DNM1: variants seen among roughly 807,000 people sequenced by gnomAD.
DNM1 encodes dynamin-1.
Under a neutral mutation model 104.6 loss-of-function variants are expected in DNM1, and 29 were observed. That is an observed-to-expected ratio of 0.28 (90% CI 0.21 to 0.38). DNM1 has a LOEUF of 0.38. Ranked by LOEUF, DNM1 falls within the 10% of genes least tolerant of loss-of-function variation. The probability of loss-of-function intolerance (pLI) is 1.00; values close to 1 mark genes in which losing one functional copy is unlikely to be tolerated. For synonymous variants in DNM1, 445 were observed against 475.8 expected (o/e 0.94, Z 0.84); for missense variants, 640 against 1,189.4 (o/e 0.54, Z 6.79).
chr9:128,228,867 C>A (rs1394642767), intron 10 of DNM1, among the ~76,000 whole-genome samples: 2 of 151,856 alleles, frequency 1.3e-5, no homozygotes, highest in East Asian at 3.9e-4. Context: ...CCTGTAGTCC[C>A]AGCTACTCAG....
Position 128,234,137 on chromosome 9 carries a change from G to A in DNM1, c.1422+30G>A, listed in dbSNP as rs371843970. ...GCCCCGCAGCACCCGGCCTGGCCGC[G>A]CCTTCCTTCCACTCCTGGCCGCCTG... On this transcript the variant is annotated intron_variant, in intron 11 of 21. Coordinates refer to ENST00000372923, the MANE Select transcript of DNM1 (RefSeq NM_004408.4). The A allele has an allele frequency of 1.1e-4, 167 of 1,496,920 alleles. No homozygotes were observed. The African/African-American group carries it at 1.8e-3, about 16-fold the overall frequency. The allele number at this position is 1,496,920 out of a possible 1,614,324, so 92.7% of individuals were successfully genotyped here. A position where few individuals can be genotyped will look rare whatever the true frequency, so the allele number is the denominator to read the frequency against.
At chr9:128,229,970 A>G (rs1423862713) in intron 10 of DNM1, among the ~76,000 whole-genome samples, 4 of 151,814 alleles carry the variant, frequency 2.6e-5, no homozygotes, top group African/African-American at 9.7e-5. Context: ...CTGTAATCCC[A>G]GCACTTTGGG....
chr9:128,247,986 A>T lies in DNM1; in HGVS notation c.1905+51A>T. ...TGCCAGGCATCTGCAGCCTGGCACC[A>T]GCTCCAGCCAGGTTTTCAAGCAAGG... On this transcript the variant is annotated intron_variant, in intron 18 of 21. Transcript: ENST00000372923. The surrounding 1 kb of genome is among the most constrained non-coding windows in gnomAD (Gnocchi z 5.1). 6.2e-7 allele frequency: 1 copy of T among 1,613,196 alleles called. No homozygotes were observed. Among genetic ancestry groups the T allele is most frequent in the Non-Finnish European group, 8.5e-7 (1 of 1,179,190 alleles).
intron 10 of DNM1, among the ~76,000 whole-genome samples, chr9:128,230,520 G>A (rs181580231): frequency 2.0e-5 from 3 of 150,078 alleles, no homozygotes; most frequent in East Asian, 3.9e-4. Context: ...GCGCAATCTC[G>A]GCTCACTGCA....
chr9:128,224,323 G>A lies in DNM1; in HGVS notation c.1269G>A (p.Pro423=), dbSNP rs1436554330. The change falls in exon 10 of 22, where the codon CCG becomes CCA. Residue 423 remains proline, a synonymous_variant. Coordinates refer to ENST00000372923, the MANE Select transcript of DNM1 (RefSeq NM_004408.4). The surrounding 1 kb of genome is among the most constrained non-coding windows in gnomAD (Gnocchi z 4.3). ...AGCAGGTGAAGAAGATCCGAGAACC[G>A]TGTCTCAAGTGTGTGGACATGGTTA... The part of the protein sequence containing the change: ...VKKQVKKIRE[P]CLKCVDMVIS... The A allele has an allele frequency of 9.3e-6, 15 of 1,613,984 alleles. No individual in the cohort carries two copies. The highest frequency in any genetic ancestry group is 2.2e-5 in the East Asian group (1 of 44,888).
At position 128,248,413 on chromosome 9, in the gene DNM1, T is replaced by A; in HGVS notation, c.1906-170T>A. ...CCAAGACAAGGCTGAATCAGGGGAG[T>A]CTAGGGTCCTGAGAGGCACAGGGAT... On this transcript the variant is annotated intron_variant, in intron 18 of 21. Transcript: ENST00000372923. The surrounding 1 kb of genome is among the most constrained non-coding windows in gnomAD (Gnocchi z 5.6). 1 of 672,184 alleles carries A rather than the reference T, an allele frequency of 1.5e-6. No homozygotes were observed. Among genetic ancestry groups the A allele is most frequent in the South Asian group, 2.2e-5 (1 of 46,492 alleles). 41.6% of individuals were successfully genotyped at this position (672,184 alleles called of 1,614,324 possible).
chr9:128,253,213 C>T lies in DNM1; in HGVS notation c.2535-1441C>T. 1 of 1,435,448 alleles carries T rather than the reference C, an allele frequency of 7.0e-7. No individual in the cohort carries two copies. The highest frequency in any genetic ancestry group is 1.2e-5 in the South Asian group (1 of 86,674). The allele number at this position is 1,435,448 out of a possible 1,614,324, so 88.9% of individuals were successfully genotyped here. ...GCACTAGCTCCACACGGGGCGCGCA[C>T]CTGGGACCTCAGAGCCAGGCTCCCC... is the stretch of plus-strand genomic sequence containing the variant. On this transcript the variant is annotated intron_variant, in intron 21 of 21. Transcript: ENST00000372923. This position sits in a 1 kb window ranked among gnomAD's most constrained non-coding sequence, Gnocchi z 5.9.
intron 1 of DNM1, among the ~76,000 whole-genome samples, chr9:128,211,843 G>A (rs551134361): frequency 1.3e-5 from 2 of 152,230 alleles, no homozygotes; most frequent in Non-Finnish European, 1.5e-5. Flanking sequence ...AAGCTGTAGA[G>A]GAAGAAAGAA....
At chr9:128,207,728 A>C (rs545162698) in intron 1 of DNM1, among the ~76,000 whole-genome samples, 2 of 152,096 alleles carry the variant, frequency 1.3e-5, no homozygotes, top group Non-Finnish European at 2.9e-5. Context: ...ATCCCTTGTG[A>C]GATTATGGTG....
intron 1 of DNM1, among the ~76,000 whole-genome samples, chr9:128,209,545 C>A (rs904195012): frequency 2.6e-5 from 4 of 152,166 alleles, no homozygotes; most frequent in African/African-American, 9.7e-5. Flanking sequence ...ACATTCTGCC[C>A]TCCCACCATA....
chr9:128,224,161 G>A lies in DNM1; in HGVS notation c.1197-90G>A, dbSNP rs1835192973. 1 of 1,508,904 alleles carries A rather than the reference G, an allele frequency of 6.6e-7. No homozygotes were observed. The highest frequency in any genetic ancestry group is 2.0e-5 in the Admixed American group (1 of 49,684). 93.5% of individuals were successfully genotyped at this position (1,508,904 alleles called of 1,614,324 possible). A position where few individuals can be genotyped will look rare whatever the true frequency, so the allele number is the denominator to read the frequency against. ...GTAGTGGAAGGGCCCCTCAGGCAGA[G>A]TTCGTGGGCTTGGGGAGGAGCCTCG... On this transcript the variant is annotated intron_variant, in intron 9 of 21. Coordinates refer to ENST00000372923, the MANE Select transcript of DNM1 (RefSeq NM_004408.4). The surrounding 1 kb of genome is among the most constrained non-coding windows in gnomAD (Gnocchi z 4.3).
rs1482470991 is a variant in DNM1 at position 128,243,975 on chromosome 9, TG to T, written c.1671+1633del. Among the ~76,000 whole-genome samples the T allele has an allele frequency of 6.8e-6, 1 of 146,030 alleles. No individual in the cohort carries two copies. The highest frequency in any genetic ancestry group is 2.7e-5 in the African/African-American group (1 of 36,684). On this transcript the variant is annotated intron_variant, in intron 15 of 21. Coordinates refer to ENST00000372923, the MANE Select transcript of DNM1 (RefSeq NM_004408.4). This position sits in a 1 kb window ranked among gnomAD's most constrained non-coding sequence, Gnocchi z 4.0. ...TGTGTGTGTGTGTGTGTGTGGCTTG[TG>T]GGTCTGGTGTGTGGGTGTTTTTTAG...
chr9:128,230,729 A>T (rs1240046811), intron 10 of DNM1, among the ~76,000 whole-genome samples: 1 of 150,366 alleles, frequency 6.7e-6, no homozygotes, highest in Non-Finnish European at 1.5e-5. Flanking sequence ...TGGGATTACA[A>T]GCATGAGCCA....
In DNM1 at chr9:128,240,093, C is replaced by A; in HGVS notation, c.1557+97C>A. On this transcript the variant is annotated intron_variant, in intron 14 of 21. Coordinates refer to ENST00000372923, the MANE Select transcript of DNM1 (RefSeq NM_004408.4). This position sits in a 1 kb window ranked among gnomAD's most constrained non-coding sequence, Gnocchi z 5.1. ...CAACGGGTAGGAGGGCACCCTTTGG[C>A]TGAAGCTGCTTGTACACACCAGCCC... 1 of 1,416,562 alleles carries A rather than the reference C, an allele frequency of 7.1e-7. No individual in the cohort carries two copies. Among genetic ancestry groups the A allele is most frequent in the Non-Finnish European group, 1.0e-6 (1 of 1,002,346 alleles). 87.7% of individuals were successfully genotyped at this position (1,416,562 alleles called of 1,614,324 possible).
rs368427334 is a variant in DNM1, at chr9:128,234,042, C to A, written c.1357C>A (p.Arg453=). The A allele has an allele frequency of 6.3e-7, 1 of 1,575,284 alleles. No individual in the cohort carries two copies. Among genetic ancestry groups the A allele is most frequent in the East Asian group, 2.4e-5 (1 of 42,330 alleles). Residue 453 remains arginine (R), a synonymous_variant, in exon 11 of 22, where the codon CGG becomes AGG. Transcript: ENST00000372923. ...TKKLQQYPRL[R]EEMERIVTTH... Reference sequence around the variant, plus strand: ...CCAGCTCCAGCAGTACCCGCGGCTACGGGAGGAGATGGAGCGCATCGTGAC... The same window carrying A: ...CCAGCTCCAGCAGTACCCGCGGCTAAGGGAGGAGATGGAGCGCATCGTGAC...
rs1275829683 is a variant in DNM1 at position 128,254,811 on chromosome 9, C to T, written c.*97C>T. The T allele has an allele frequency of 1.0e-6, 1 of 972,294 alleles. No individual in the cohort carries two copies. The allele number at this position is 972,294 out of a possible 1,614,324, so 60.2% of individuals were successfully genotyped here. A position where few individuals can be genotyped will look rare whatever the true frequency, so the allele number is the denominator to read the frequency against. On this transcript the variant is annotated 3_prime_UTR_variant, in exon 22 of 22. Transcript: ENST00000372923. This position sits in a 1 kb window ranked among gnomAD's most constrained non-coding sequence, Gnocchi z 6.1. The stretch of plus-strand genomic sequence containing the variant: ...GGCTCCCCCAGCCCCAAAGCCAGCC[C>T]CCTTCATCTGTGACTTAATCTGTTG...
Position 128,220,034 on chromosome 9 carries a change from G to A in DNM1, c.636G>A (p.Glu212=), listed in dbSNP as rs766735683. The A allele has an allele frequency of 1.2e-6, 2 of 1,606,524 alleles. No homozygotes were observed. Among genetic ancestry groups the A allele is most frequent in the Admixed American group, 1.7e-5 (1 of 58,666 alleles). ...TCACCAAGCTGGACCTGATGGACGA[G>A]GGCACAGATGCCCGTGATGTGCTGG... ...GVITKLDLMD[E]GTDARDVLEN... is the part of the protein sequence containing the mutation. Residue 212 remains glutamate, a synonymous_variant, in exon 5 of 22, where the codon GAG becomes GAA. Transcript: ENST00000372923. The surrounding 1 kb of genome is among the most constrained non-coding windows in gnomAD (Gnocchi z 5.2).
At chr9:128,252,717 C>G in intron 21 of DNM1, 1 of 511,570 alleles carries the variant, frequency 2.0e-6, no homozygotes, top group East Asian at 5.2e-5. Context: ...CGAGCAAGCC[C>G]TATCTCCATG....
rs1312132062 is a variant in DNM1 at position 128,216,054 on chromosome 9, G to A, written c.162-2177G>A. On this transcript the variant is annotated intron_variant, in intron 1 of 21. Transcript: ENST00000372923. Reference sequence around the variant, plus strand: ...CCAGCAAACCCCCTCCCTCTGTGCCGCCTGGCACACCTCTGTTCTAGCACA... The same window carrying A: ...CCAGCAAACCCCCTCCCTCTGTGCCACCTGGCACACCTCTGTTCTAGCACA... 6.7e-5 allele frequency among the ~76,000 whole-genome samples: 10 copies of A among 149,202 alleles called. No individual in the cohort carries two copies. The South Asian group carries it at 1.1e-3, about 16-fold the overall frequency.
Sources: gnomAD v4.1 joint callset for allele counts (sites outside exome capture counted in the v4.1 genomes callset) on GRCh38, gnomAD v4.1.1 for gene constraint, Gnocchi (gnomAD v3.1) non-coding constraint, MANE v1.5 for transcripts, NCBI Gene and HGNC (gene_info 2026-07-23, HGNC 2026-07-21) for gene names.